AHI1: variants seen among roughly 807,000 people sequenced by gnomAD.
AHI1 encodes Abelson helper integration site 1.
Under a neutral mutation model 149.3 loss-of-function variants are expected in AHI1, and 123 were observed. The observed-to-expected ratio is 0.82, with a 90% CI of 0.71 to 0.96. AHI1 has a LOEUF of 0.96. AHI1 is among the 40% of genes least tolerant of loss of function. The pLI is 0.00. For synonymous variants in AHI1, 475 were observed against 459.8 expected (o/e 1.03, Z -0.42); for missense variants, 1,439 against 1,422.7 (o/e 1.01, Z -0.18).
chr6:135,293,406 G>GAAAAAAAAAAAAAAAAA lies in AHI1; in HGVS notation c.3486-2898_3486-2882dup, dbSNP rs71547029. The stretch of plus-strand genomic sequence containing the variant: ...TGTTAACAGGGCAAAAAAAAAAAAA[G>GAAAAAAAAAAAAAAAAA]AAAAAAAAAAAAAAAAAAGAAAAAA... On this transcript the variant is annotated intron_variant, in intron 27 of 28. Transcript: ENST00000265602. Among the ~76,000 whole-genome samples the GAAAAAAAAAAAAAAAAA allele has an allele frequency of 9.7e-3, 631 of 64,898 alleles. 1 individual carries two copies. Among genetic ancestry groups the GAAAAAAAAAAAAAAAAA allele is most frequent in the Non-Finnish European group, 0.011 (419 of 36,606 alleles). 42.6% of individuals were successfully genotyped at this position (64,898 alleles called of 152,430 possible).
chr6:135,349,359 C>A (rs759705225), intron 24 of AHI1, among the ~76,000 whole-genome samples: 1 of 152,166 alleles, frequency 6.6e-6, no homozygotes. Flanking sequence ...TTCAATAGAA[C>A]ACTAGGCAGC....
intron 22 of AHI1, among the ~76,000 whole-genome samples, chr6:135,401,298 CCTTTT>C (rs1195217784): frequency 6.6e-6 from 1 of 152,074 alleles, no homozygotes; most frequent in East Asian, 1.9e-4. Context: ...TTATTTGTTT[CCTTTT>C]AAGATTATGT....
At chr6:135,367,629 C>T (rs931030738) in intron 23 of AHI1, among the ~76,000 whole-genome samples, 2 of 152,026 alleles carry the variant, frequency 1.3e-5, no homozygotes, top group East Asian at 1.9e-4. Flanking sequence ...CTTTCTTTTA[C>T]TTGTTTGAGT....
At chr6:135,430,502 G>T (rs1238583831) in intron 17 of AHI1, among the ~76,000 whole-genome samples, 1 of 151,706 alleles carries the variant, frequency 6.6e-6, no homozygotes, top group Middle Eastern at 3.2e-3. Flanking sequence ...TTCACTTAGG[G>T]TGTCTTTTTT....
intron 23 of AHI1, among the ~76,000 whole-genome samples, chr6:135,370,066 G>A (rs983691618): frequency 2.0e-4 from 31 of 152,074 alleles, no homozygotes; most frequent in African/African-American, 7.2e-4. Context: ...ATCTATTTCT[G>A]CTAATTCACA....
At position 135,400,840 on chromosome 6, in the gene AHI1, T is replaced by C. The variant is rs1457736372; in HGVS notation, c.2988+4111A>G. On this transcript the variant is annotated intron_variant, in intron 22 of 28. Transcript: ENST00000265602. ...CATCTTTTCTCTTGCAACTTGAGGA[T>C]TCAGTAATGTGACCATACCTTTCTT... Among the ~76,000 whole-genome samples, 3 of 152,308 alleles carry C rather than the reference T, an allele frequency of 2.0e-5. No individual in the cohort carries two copies. The South Asian group carries it at 6.2e-4, about 32-fold the overall frequency.
rs1781469255 is a variant in AHI1, at chr6:135,283,925, T to C, written c.*1720A>G. The C allele has an allele frequency of 6.6e-6, 1 of 152,234 alleles. No homozygotes were observed. Among genetic ancestry groups the C allele is most frequent in the South Asian group, 2.1e-4 (1 of 4,828 alleles). 9.4% of individuals were successfully genotyped at this position (152,234 alleles called of 1,614,324 possible). The stretch of plus-strand genomic sequence containing the variant: ...TCATCTTAAATTATTTCTAAACTTG[T>C]TGAAATTCTTGGTGATTCAATCAGA... On this transcript the variant is annotated 3_prime_UTR_variant, in exon 29 of 29. Coordinates refer to ENST00000265602, the MANE Select transcript of AHI1 (RefSeq NM_001134831.2).
chr6:135,392,564 T>C (rs1056793396), intron 23 of AHI1, among the ~76,000 whole-genome samples: 13 of 152,244 alleles, frequency 8.5e-5, no homozygotes, highest in African/African-American at 2.9e-4. Flanking sequence ...ATGTGACTTG[T>C]ATATTTCAGA....
intron 5 of AHI1, among the ~76,000 whole-genome samples, chr6:135,479,554 C>T (rs1410819197): frequency 6.6e-6 from 1 of 152,204 alleles, no homozygotes; most frequent in East Asian, 1.9e-4. Flanking sequence ...CAAACCCTGT[C>T]CCCACATTGT....
chr6:135,319,053 AT>A (rs1270659969), intron 25 of AHI1, among the ~76,000 whole-genome samples: 1 of 152,256 alleles, frequency 6.6e-6, no homozygotes, highest in Non-Finnish European at 1.5e-5. Context: ...CATAAAATAA[AT>A]GTGACATTAT....
chr6:135,496,736 A>G (rs1387435532), intron 2 of AHI1, among the ~76,000 whole-genome samples: 1 of 152,222 alleles, frequency 6.6e-6, no homozygotes, highest in Non-Finnish European at 1.5e-5. Context: ...ATGTTATCGC[A>G]AGGGAAAAAA....
intron 8 of AHI1, 118 bp from the exon 9 acceptor site, chr6:135,457,831 G>A: frequency 1.1e-6 from 1 of 933,818 alleles, no homozygotes; most frequent in Non-Finnish European, 1.6e-6. Flanking sequence ...AACTTCAGGG[G>A]GAAAGAAAGA....
rs750017979 is a variant in AHI1, at chr6:135,420,307, C to T, written c.2764+6860G>A. Among the ~76,000 whole-genome samples the T allele has an allele frequency of 9.2e-5, 14 of 152,184 alleles. 1 individual carries two copies. Among genetic ancestry groups the T allele is most frequent in the Non-Finnish European group, 2.1e-4 (14 of 68,028 alleles). The stretch of plus-strand genomic sequence containing the variant: ...CCAGCTTCATCAGAGGAATCACTAT[C>T]TATGTCAGCTATGGACTTACGAAAT... On this transcript the variant is annotated intron_variant, in intron 20 of 28. Coordinates refer to ENST00000265602, the MANE Select transcript of AHI1 (RefSeq NM_001134831.2).
rs572729789 is a variant in AHI1 at position 135,478,618 on chromosome 6, A to G, written c.136-10984T>C. 1.2e-3 allele frequency among the ~76,000 whole-genome samples: 179 copies of G among 152,372 alleles called. 1 individual carries two copies. The highest frequency in any genetic ancestry group is 4.1e-3 in the African/African-American group (171 of 41,582). On this transcript the variant is annotated intron_variant, in intron 5 of 28. Coordinates refer to ENST00000265602, the MANE Select transcript of AHI1 (RefSeq NM_001134831.2). ...ATATTTAAAAGGGAAGCAGAGCACGAAAGTTTGGAAAATTTGCAGCCTGAT... is the reference window on the plus strand; with the variant it reads ...ATATTTAAAAGGGAAGCAGAGCACGGAAGTTTGGAAAATTTGCAGCCTGAT...
intron 20 of AHI1, among the ~76,000 whole-genome samples, chr6:135,426,554 C>A (rs1310311648): frequency 1.3e-5 from 2 of 151,496 alleles, no homozygotes; most frequent in African/African-American, 2.4e-5. Context: ...AATAGAAATG[C>A]AATTTTGAGA....
chr6:135,307,850 A>G lies in AHI1; in HGVS notation c.3427-7292T>C, dbSNP rs543226018. On this transcript the variant is annotated intron_variant, in intron 26 of 28. Coordinates refer to ENST00000265602, the MANE Select transcript of AHI1 (RefSeq NM_001134831.2). Reference sequence around the variant, plus strand: ...GGAAATCTGGCCGTGTCTGAAAGACATTTTTGATTGTCACAAGTGGGAAGA... The same window carrying G: ...GGAAATCTGGCCGTGTCTGAAAGACGTTTTTGATTGTCACAAGTGGGAAGA... 3.3e-5 allele frequency among the ~76,000 whole-genome samples: 5 copies of G among 152,300 alleles called. No individual in the cohort carries two copies. In the South Asian group the frequency reaches 6.2e-4, roughly 19 times the overall value.
intron 20 of AHI1, among the ~76,000 whole-genome samples, chr6:135,417,758 A>G (rs1381752054): frequency 6.6e-6 from 1 of 152,056 alleles, no homozygotes; most frequent in African/African-American, 2.4e-5. Context: ...GCAGCCACAA[A>G]AAAATCTGCA....
intron 5 of AHI1, among the ~76,000 whole-genome samples, chr6:135,473,611 C>T (rs1792111945): frequency 6.6e-6 from 1 of 152,102 alleles, no homozygotes; most frequent in Non-Finnish European, 1.5e-5. Flanking sequence ...AGAGAACGGA[C>T]ATTTGACAAT....
intron 28 of AHI1, 53 bp from the exon 29 acceptor site, chr6:135,285,700 G>C: frequency 6.8e-7 from 1 of 1,480,256 alleles, no homozygotes; most frequent in Middle Eastern, 1.7e-4. Context: ...AATGTCTTCT[G>C]ACTACAACCA....
Sources: gnomAD v4.1 joint callset for allele counts (sites outside exome capture counted in the v4.1 genomes callset) on GRCh38, gnomAD v4.1.1 for gene constraint, MANE v1.5 for transcripts, NCBI Gene and HGNC (gene_info 2026-07-23, HGNC 2026-07-21) for gene names.